Variants in CUX1 observed in about 807,000 individuals in gnomAD.
The protein encoded by CUX1 is protein CASP.
A neutral mutation model predicts 158.8 loss-of-function variants in CUX1; 31 were observed. The ratio of observed to expected loss-of-function variants is 0.20; its 90% CI spans 0.15 to 0.26. The LOEUF is 0.26. CUX1 is among the 10% of genes least tolerant of loss of function. CUX1 has a pLI of 1.00. For missense variants in CUX1, 1,589 were observed against 2,014.6 expected, an observed-to-expected ratio of 0.79 and a Z score of 4.04; for synonymous variants, 879 against 862.1, an observed-to-expected ratio of 1.02 and a Z score of -0.34.
At chr7:101,855,460 A>G (rs1796670562) in intron 1 of CUX1, among the ~76,000 whole-genome samples, 1 of 152,266 alleles carries the variant, frequency 6.6e-6, no homozygotes, top group South Asian at 2.1e-4. Flanking sequence ...AGGTAGGGAC[A>G]GGCAGGATTT....
At position 102,250,490 on chromosome 7, in the gene CUX1, C is replaced by T. The variant is rs1323687854; in HGVS notation, c.*1448C>T. ...CTTCTTTCCCTTTTTCTTCCCACCG[C>T]AAGCACTGATGACCCTGTTGAACTC... On this transcript the variant is annotated 3_prime_UTR_variant, in exon 24 of 24. Coordinates refer to ENST00000292535, the MANE Select transcript of CUX1 (RefSeq NM_181552.4). 2 of 985,376 alleles carry T rather than the reference C, an allele frequency of 2.0e-6. No individual in the cohort carries two copies. Among genetic ancestry groups the T allele is most frequent in the Admixed American group, 1.2e-4 (2 of 16,250 alleles). The allele number at this position is 985,376 out of a possible 1,614,324, so 61.0% of individuals were successfully genotyped here. A position where few individuals can be genotyped will look rare whatever the true frequency, so the allele number is the denominator to read the frequency against.
chr7:101,980,714 C>T (rs1563087056), intron 2 of CUX1, among the ~76,000 whole-genome samples: 2 of 152,146 alleles, frequency 1.3e-5, no homozygotes, highest in Non-Finnish European at 2.9e-5. Flanking sequence ...TGTAACTGTT[C>T]AGCCAGCCAG....
intron 8 of CUX1, among the ~76,000 whole-genome samples, chr7:102,152,682 G>T (rs1427965881): frequency 1.3e-5 from 2 of 152,206 alleles, no homozygotes; most frequent in South Asian, 2.1e-4. Flanking sequence ...ATGAGCCACT[G>T]CATCTGGCCG....
chr7:102,074,933 A>G (rs1025386102), intron 4 of CUX1, among the ~76,000 whole-genome samples: 3 of 152,212 alleles, frequency 2.0e-5, no homozygotes, highest in African/African-American at 7.2e-5. Flanking sequence ...ATCTCCGCAC[A>G]CTGCAACCTC....
At chr7:102,219,530 A>AC (rs1396609476) in intron 20 of CUX1, among the ~76,000 whole-genome samples, 1 of 152,208 alleles carries the variant, frequency 6.6e-6, no homozygotes, top group East Asian at 1.9e-4. Context: ...CAGAAGGCCA[A>AC]CCCAGGACCC....
At chr7:101,904,975 C>A (rs898822467) in intron 1 of CUX1, among the ~76,000 whole-genome samples, 1 of 152,132 alleles carries the variant, frequency 6.6e-6, no homozygotes, top group African/African-American at 2.4e-5. Context: ...TTGCACTGGG[C>A]GTTTTATGTG....
chr7:102,111,606 G>A, intron 6 of CUX1, 92 bp from the exon 7 acceptor site: 5 of 1,173,262 alleles, frequency 4.3e-6, no homozygotes, highest in South Asian at 2.5e-5. Context: ...CCAGCTGAGC[G>A]CAGGGAGGGA....
rs1790072835 is a variant in CUX1, at chr7:102,257,891, A to G, written c.*8849A>G. 1 of 983,812 alleles carries G rather than the reference A, an allele frequency of 1.0e-6. No individual in the cohort carries two copies. The highest frequency in any genetic ancestry group is 6.2e-5 in the Admixed American group (1 of 16,198). 60.9% of individuals were successfully genotyped at this position (983,812 alleles called of 1,614,324 possible). On this transcript the variant is annotated 3_prime_UTR_variant, in exon 24 of 24. Coordinates refer to ENST00000292535, the MANE Select transcript of CUX1 (RefSeq NM_181552.4). ...CAAAAAAGAAAAAAGGAAAAAAAAA[A>G]AGTCGTCTTTTTTTTTTTTTTTTGT...
chr7:102,093,683 A>G (rs1554483073), intron 4 of CUX1, among the ~76,000 whole-genome samples: 1 of 152,156 alleles, frequency 6.6e-6, no homozygotes, highest in East Asian at 1.9e-4. Context: ...TATGTACAGT[A>G]TTGTTGTTTG....
chr7:102,248,423 G>A lies in CUX1; in HGVS notation c.3899G>A (p.Arg1300His). ...TTGTTGTCTTGTAGGTCTCGGATCC[G>A]CAGAGAACTGTTCATTGAGGAAATT... ...NWFHNYRSRI[R>H]RELFIEEIQA... is the part of the protein sequence containing the mutation. The change falls in exon 24 of 24, where the codon CGC becomes CAC. Residue 1300 changes from arginine to histidine, a missense_variant. Around this residue, in one of 8 missense-constraint regions of CUX1, gnomAD observed 5 missense variants for 32.6 expected, o/e 0.15. Transcript: ENST00000292535. The surrounding 1 kb of genome is among the most constrained non-coding windows in gnomAD (Gnocchi z 5.8). 1.3e-6 allele frequency: 2 copies of A among 1,595,510 alleles called. No individual in the cohort carries two copies. The highest frequency in any genetic ancestry group is 1.1e-5 in the South Asian group (1 of 90,108).
intron 1 of CUX1, among the ~76,000 whole-genome samples, chr7:101,821,671 CTTTTTT>C (rs58793343): frequency 3.0e-3 from 155 of 51,306 alleles, no homozygotes; most frequent in African/African-American, 9.6e-3. Context: ...TTTCTTTTTT[CTTTTTT>C]TTTTTTTTTT....
chr7:102,244,234 CTT>C (rs1302288264), intron 23 of CUX1, among the ~76,000 whole-genome samples: 2 of 151,986 alleles, frequency 1.3e-5, no homozygotes, highest in Non-Finnish European at 2.9e-5. Flanking sequence ...TTTTTACGTT[CTT>C]TTCTCAGGGG....
Position 102,248,104 on chromosome 7 carries a change from TG to T in CUX1, c.3888-305del, listed in dbSNP as rs1251202331. On this transcript the variant is annotated intron_variant, in intron 23 of 23. Transcript: ENST00000292535. The surrounding 1 kb of genome is among the most constrained non-coding windows in gnomAD (Gnocchi z 5.8). ...GGAGATTGAGCCACTGCACTCCACC[TG>T]GGCAGCAACAGGGAAATTCTGTCTC... Among the ~76,000 whole-genome samples the T allele has an allele frequency of 6.6e-6, 1 of 152,206 alleles. No individual in the cohort carries two copies. The highest frequency in any genetic ancestry group is 1.5e-5 in the Non-Finnish European group (1 of 68,030).
chr7:102,094,711 T>C lies in CUX1; in HGVS notation c.269-2653T>C, dbSNP rs79307227. Among the ~76,000 whole-genome samples the C allele has an allele frequency of 2.4e-4, 37 of 152,316 alleles. 1 individual carries two copies. The East Asian group carries it at 6.8e-3, about 28-fold the overall frequency. ...TACGTGAGCAACTCTTAATAGAATT[T>C]TATACGTGATCAAAGGTTCCTCTCT... On this transcript the variant is annotated intron_variant, in intron 4 of 23. Coordinates refer to ENST00000292535, the MANE Select transcript of CUX1 (RefSeq NM_181552.4).
intron 2 of CUX1, among the ~76,000 whole-genome samples, chr7:101,943,078 C>CTTTTTTTTTTTTTTTTTTTTTTTT (rs58332486): frequency 6.2e-5 from 5 of 80,330 alleles, no homozygotes; most frequent in Admixed American, 1.5e-4. Context: ...CTGGTCAGTG[C>CTTTTTTTTTTTTTTTTTTTTTTTT]TTTTTTTTTT....
intron 2 of CUX1, among the ~76,000 whole-genome samples, chr7:102,014,587 G>A (rs960810857): frequency 6.6e-5 from 10 of 152,256 alleles, no homozygotes; most frequent in African/African-American, 2.4e-4. Context: ...CATCGGGGAT[G>A]CTAAAGTCGG....
chr7:102,101,918 A>G (rs1325137551), intron 5 of CUX1, among the ~76,000 whole-genome samples: 2 of 124,804 alleles, frequency 1.6e-5, no homozygotes, highest in African/African-American at 3.5e-5. Context: ...TCTCAATAAA[A>G]AAAAAAAAAA....
chr7:101,992,343 CT>C (rs1430932166), intron 2 of CUX1, among the ~76,000 whole-genome samples: 7 of 152,182 alleles, frequency 4.6e-5, no homozygotes, highest in Non-Finnish European at 1.0e-4. Flanking sequence ...TGAAAATGGC[CT>C]TCTGCAGTTA....
At chr7:102,183,216 G>A (rs902596798) in intron 11 of CUX1, among the ~76,000 whole-genome samples, 3 of 152,144 alleles carry the variant, frequency 2.0e-5, no homozygotes, top group Non-Finnish European at 4.4e-5. Context: ...GTTTCACCAT[G>A]TTGGCCAGGC....
Sources: allele counts gnomAD v4.1 joint callset (sites outside exome capture counted in the v4.1 genomes callset), GRCh38; gene constraint gnomAD v4.1.1; regional missense constraint gnomAD v4.1.1; non-coding constraint Gnocchi (gnomAD v3.1); transcripts MANE v1.5; gene names NCBI Gene and HGNC (gene_info 2026-07-23, HGNC 2026-07-21).